Variants in CATSPERQ observed in about 807,000 individuals in gnomAD.
CATSPERQ encodes the protein cation channel sperm-associated auxiliary subunit theta.
At chr8:144,353,875 G>T in the CATSPERQ span, 4 of 1,533,798 alleles carry the variant, frequency 2.6e-6, no homozygotes, top group Non-Finnish European at 3.5e-6. Context: ...TGCGGGGAGA[G>T]CGGACTTAGC....
chr8:144,353,522 C>G, the CATSPERQ span: 2 of 1,533,348 alleles, frequency 1.3e-6, no homozygotes, highest in Non-Finnish European at 1.7e-6. Flanking sequence ...CCAAGTATTC[C>G]ATTTGCTGTG....
At chr8:144,354,236 CCT>C in the CATSPERQ span, 1 of 1,543,686 alleles carries the variant, frequency 6.5e-7, no homozygotes. This position sits in a 1 kb window ranked among gnomAD's most constrained non-coding sequence, Gnocchi z 4.6. Flanking sequence ...GGGGCTCACA[CCT>C]CTCTCAGGGA....
the CATSPERQ span, chr8:144,353,305 G>A: frequency 2.7e-6 from 4 of 1,488,534 alleles, no homozygotes; most frequent in Non-Finnish European, 3.6e-6. Flanking sequence ...GGGGCTGGGA[G>A]GTTACCGAGA....
chr8:144,353,694 G>A, the CATSPERQ span: 3 of 1,504,670 alleles, frequency 2.0e-6, no homozygotes, highest in African/African-American at 1.4e-5. Flanking sequence ...CCCTCTGCGT[G>A]CGGAAACGGC....
the CATSPERQ span, chr8:144,354,785 G>A: frequency 6.5e-7 from 1 of 1,528,556 alleles, no homozygotes; most frequent in Non-Finnish European, 8.8e-7. This position sits in a 1 kb window ranked among gnomAD's most constrained non-coding sequence, Gnocchi z 4.6. Context: ...AGGCAGAGGT[G>A]GTCAGCCTGG....
the CATSPERQ span, chr8:144,354,135 C>A: frequency 6.5e-7 from 1 of 1,534,820 alleles, no homozygotes; most frequent in Non-Finnish European, 8.7e-7. The surrounding 1 kb of genome is among the most constrained non-coding windows in gnomAD (Gnocchi z 4.6). Flanking sequence ...AGACCCAGGT[C>A]TCTTGCTTCT....
chr8:144,353,620 C>T, the CATSPERQ span: 23 of 1,455,970 alleles, frequency 1.6e-5, no homozygotes, highest in Admixed American at 4.3e-5. Context: ...CTGCATCCCC[C>T]GTCCTGCCCG....
the CATSPERQ span, chr8:144,353,732 G>A: frequency 2.6e-6 from 4 of 1,529,762 alleles, no homozygotes; most frequent in East Asian, 4.9e-5. Flanking sequence ...AACAGTGATC[G>A]GTGTCATCGT....
At chr8:144,354,499 T>G in the CATSPERQ span, 1 of 1,371,130 alleles carries the variant, frequency 7.3e-7, no homozygotes, top group African/African-American at 1.5e-5. This position sits in a 1 kb window ranked among gnomAD's most constrained non-coding sequence, Gnocchi z 4.6. Flanking sequence ...CCCAGGGCCC[T>G]GGCCCTGCCT....
chr8:144,354,555 T>TCCAGCC, the CATSPERQ span: 1 of 681,602 alleles, frequency 1.5e-6, no homozygotes, highest in Non-Finnish European at 2.2e-6. This position sits in a 1 kb window ranked among gnomAD's most constrained non-coding sequence, Gnocchi z 4.6. Flanking sequence ...CCCGTCTCCC[T>TCCAGCC]CCTCCCCCGC....
chr8:144,353,787 C>T, the CATSPERQ span: 32 of 1,535,500 alleles, frequency 2.1e-5, no homozygotes, highest in Non-Finnish European at 2.4e-5. Context: ...CCTCGTAGTG[C>T]TCCGACAGCT....
chr8:144,353,811 G>A, the CATSPERQ span: 1 of 1,535,560 alleles, frequency 6.5e-7, no homozygotes, highest in Non-Finnish European at 8.7e-7. Flanking sequence ...CCAGCACCAG[G>A]GGCTCCAACC....
the CATSPERQ span, chr8:144,353,979 G>A: frequency 5.8e-4 from 891 of 1,534,376 alleles, 4 homozygotes; most frequent in African/African-American, 9.1e-3. Context: ...CCAGGCGCAC[G>A]TAGACCAGAT....
chr8:144,353,356 C>G, the CATSPERQ span: 2 of 1,532,832 alleles, frequency 1.3e-6, no homozygotes, highest in Admixed American at 3.9e-5. Context: ...AGTCACACCT[C>G]CAGGCTGGAC....
At chr8:144,353,929 C>A in the CATSPERQ span, 1 of 1,528,386 alleles carries the variant, frequency 6.5e-7, no homozygotes, top group Non-Finnish European at 8.8e-7. Flanking sequence ...CTCCCCGTCC[C>A]TGGCGCACCC....
the CATSPERQ span, chr8:144,354,045 C>T: frequency 6.5e-7 from 1 of 1,535,504 alleles, no homozygotes; most frequent in South Asian, 1.2e-5. The surrounding 1 kb of genome is among the most constrained non-coding windows in gnomAD (Gnocchi z 4.6). Context: ...ACACGCCGCG[C>T]GTGTGGTTCA....
the CATSPERQ span, chr8:144,353,358 A>G: frequency 1.5e-5 from 23 of 1,533,376 alleles, no homozygotes; most frequent in Non-Finnish European, 2.0e-5. Flanking sequence ...TCACACCTCC[A>G]GGCTGGACTG....
the CATSPERQ span, chr8:144,353,695 C>A: frequency 2.0e-6 from 3 of 1,505,146 alleles, no homozygotes; most frequent in Non-Finnish European, 8.9e-7. Flanking sequence ...CCTCTGCGTG[C>A]GGAAACGGCC....
the CATSPERQ span, chr8:144,353,319 C>A: frequency 6.6e-7 from 1 of 1,504,624 alleles, no homozygotes; most frequent in Non-Finnish European, 8.8e-7. Context: ...ACCGAGAACA[C>A]AGTCCCGAGG....
Sources: allele counts gnomAD v4.1 joint callset, GRCh38; gene constraint gnomAD v4.1.1; non-coding constraint Gnocchi (gnomAD v3.1); transcripts MANE v1.5; gene names NCBI Gene and HGNC (gene_info 2026-07-23, HGNC 2026-07-21).